PCMT1: variants seen among roughly 807,000 people sequenced by gnomAD.
PCMT1 encodes the protein protein-L-isoaspartate (D-aspartate) O-methyltransferase.
In PCMT1, 9 loss-of-function variants were observed where a neutral mutation model predicts 29.2. The ratio of observed to expected loss-of-function variants is 0.31; its 90% CI spans 0.19 to 0.54. The LOEUF (loss-of-function observed/expected upper bound fraction) is 0.54, where lower values mean the gene tolerates loss of function less well. Ranked by LOEUF, PCMT1 falls within the 20% of genes least tolerant of loss-of-function variation. The pLI is 0.95. For synonymous variants in PCMT1, 98 were observed against 97.5 expected (o/e 1.00, Z -0.03); for missense variants, 184 against 282.2 (o/e 0.65, Z 2.49).
At chr6:149,762,948 TATG>T (rs1326602858) in intron 1 of PCMT1, among the ~76,000 whole-genome samples, 2 of 49,238 alleles carry the variant, frequency 4.1e-5, no homozygotes, top group African/African-American at 1.8e-4. Flanking sequence ...TATATATATC[TATG>T]ATATGTATAT....
chr6:149,793,721 A>C (rs553408074), intron 5 of PCMT1, 52 bp downstream of exon 5: 1 of 1,463,660 alleles, frequency 6.8e-7, no homozygotes, highest in East Asian at 2.6e-5. Flanking sequence ...TATTTTCAGA[A>C]GATCCAATGC....
intron 1 of PCMT1, among the ~76,000 whole-genome samples, chr6:149,761,599 A>G (rs1318778203): frequency 2.6e-5 from 4 of 152,136 alleles, no homozygotes; most frequent in African/African-American, 9.7e-5. Flanking sequence ...CCCTTCCTTC[A>G]TATAGTTATA....
chr6:149,776,338 C>T (rs1323345565), intron 3 of PCMT1, among the ~76,000 whole-genome samples: 1 of 151,466 alleles, frequency 6.6e-6, no homozygotes, highest in East Asian at 1.9e-4. Flanking sequence ...ACCTCCGCCC[C>T]GTGGATTCAA....
In PCMT1 at chr6:149,794,100, C is replaced by T. The variant is rs77577428; in HGVS notation, c.418+431C>T. ...CTTAATTTTAATGTAGTCAGACTTA[C>T]CAATTTTTTTCAGTGCTTTCTGTGT... On this transcript the variant is annotated intron_variant, in intron 5 of 7. Transcript: ENST00000464889. 4.2e-3 allele frequency among the ~76,000 whole-genome samples: 644 copies of T among 152,182 alleles called. 6 individuals carry two copies. The highest frequency in any genetic ancestry group is 6.8e-3 in the Middle Eastern group (2 of 294).
intron 1 of PCMT1, among the ~76,000 whole-genome samples, chr6:149,763,619 G>A (rs1334296949): frequency 6.6e-6 from 1 of 151,990 alleles, no homozygotes; most frequent in Non-Finnish European, 1.5e-5. Context: ...GTATATTATC[G>A]AGCTTGAAGG....
chr6:149,810,582 CCTA>C, intron 7 of PCMT1, 31 bp from the exon 8 acceptor site: 1 of 1,530,100 alleles, frequency 6.5e-7, no homozygotes, highest in Non-Finnish European at 8.9e-7. Context: ...GTGTGTAACT[CCTA>C]CTAATGTATT....
In PCMT1 at chr6:149,771,973, G is replaced by C. The variant is rs1246212581; in HGVS notation, c.160+707G>C. 8.8e-6 allele frequency: 4 copies of C among 456,636 alleles called. No individual in the cohort carries two copies. In the Admixed American group the frequency reaches 9.4e-5, roughly 11 times the overall value. 28.3% of individuals were successfully genotyped at this position (456,636 alleles called of 1,614,324 possible). On this transcript the variant is annotated intron_variant, in intron 2 of 7. Transcript: ENST00000464889. ...TGCTTAAGTTATTAATGACTTCTCT[G>C]CTTTATTTGCCCTGCTTTTTTGGCT...
At position 149,763,019 on chromosome 6, in the gene PCMT1, A is replaced by ATATGATATATATATCTATGATATC. The variant is rs1562398995; in HGVS notation, c.56-8133_56-8132insATATCTATGATATCTATGATATAT. 9.3e-4 allele frequency among the ~76,000 whole-genome samples: 58 copies of ATATGATATATATATCTATGATATC among 62,656 alleles called. 10 individuals carry two copies. The highest frequency in any genetic ancestry group is 1.0e-3 in the Non-Finnish European group (46 of 44,494). The allele number at this position is 62,656 out of a possible 152,430, so 41.1% of individuals were successfully genotyped here. On this transcript the variant is annotated intron_variant, in intron 1 of 7. Coordinates refer to ENST00000464889, the MANE Select transcript of PCMT1 (RefSeq NM_001360452.2). ...TATATGATATATATATCTATGATAT[A>ATATGATATATATATCTATGATATC]TATGATATATCTATGATATCTATGA...
chr6:149,770,437 C>T lies in PCMT1; in HGVS notation c.56-725C>T, dbSNP rs545841896. Among the ~76,000 whole-genome samples, 16 of 152,146 alleles carry T rather than the reference C, an allele frequency of 1.1e-4. No individual in the cohort carries two copies. In the East Asian group the frequency reaches 1.7e-3, roughly 17 times the overall value. Reference sequence around the variant, plus strand: ...ACTAAAGACCAGGTTGGGCTGGGCACGGTGGCTCACACCTATAATCCAGCT... The same window carrying T: ...ACTAAAGACCAGGTTGGGCTGGGCATGGTGGCTCACACCTATAATCCAGCT... On this transcript the variant is annotated intron_variant, in intron 1 of 7. Coordinates refer to ENST00000464889, the MANE Select transcript of PCMT1 (RefSeq NM_001360452.2).
intron 1 of PCMT1, among the ~76,000 whole-genome samples, chr6:149,751,018 T>A (rs1562391811): frequency 6.6e-6 from 1 of 152,132 alleles, no homozygotes; most frequent in Non-Finnish European, 1.5e-5. Context: ...CTGGCACCAT[T>A]AAAAAAAATT....
At chr6:149,766,958 C>A (rs1448209624) in intron 1 of PCMT1, among the ~76,000 whole-genome samples, 1 of 152,138 alleles carries the variant, frequency 6.6e-6, no homozygotes, top group African/African-American at 2.4e-5. Flanking sequence ...CATCTGTAAT[C>A]CCAGCACTTT....
chr6:149,753,481 C>T (rs748753660), intron 1 of PCMT1, among the ~76,000 whole-genome samples: 3 of 151,722 alleles, frequency 2.0e-5, no homozygotes, highest in African/African-American at 7.3e-5. Context: ...TACAGGCAGG[C>T]GCCACCACAC....
At chr6:149,804,168 A>C (rs1201098615) in intron 7 of PCMT1, among the ~76,000 whole-genome samples, 1 of 151,994 alleles carries the variant, frequency 6.6e-6, no homozygotes, top group Admixed American at 6.6e-5. Flanking sequence ...ATTAACAACT[A>C]ACTAAAACCT....
At chr6:149,786,799 T>C (rs1377296407) in intron 3 of PCMT1, among the ~76,000 whole-genome samples, 2 of 144,054 alleles carry the variant, frequency 1.4e-5, no homozygotes, top group East Asian at 4.2e-4. Context: ...GATGGGATGG[T>C]GGCCGGAAAG....
At chr6:149,770,828 C>T (rs139955237) in intron 1 of PCMT1, among the ~76,000 whole-genome samples, 5 of 143,586 alleles carry the variant, frequency 3.5e-5, no homozygotes, top group Admixed American at 7.2e-5. Flanking sequence ...ATGGTGAAAC[C>T]CTGTTTCTAA....
At chr6:149,768,784 G>A (rs534854025) in intron 1 of PCMT1, among the ~76,000 whole-genome samples, 2 of 151,926 alleles carry the variant, frequency 1.3e-5, no homozygotes, top group African/African-American at 4.8e-5. Flanking sequence ...GTGCCACCAC[G>A]CCCAGCTAAT....
At chr6:149,771,736 C>G (rs1397848403) in intron 2 of PCMT1, among the ~76,000 whole-genome samples, 1 of 151,920 alleles carries the variant, frequency 6.6e-6, no homozygotes, top group African/African-American at 2.4e-5. Flanking sequence ...AAGCTGGTCT[C>G]GGAACTCCTG....
intron 6 of PCMT1, chr6:149,796,762 C>CACAGTTCCTCTCGTCCAAGCAGTCCT: frequency 3.0e-6 from 1 of 331,310 alleles, no homozygotes. Context: ...GAAAATCCCT[C>CACAGTTCCTCTCGTCCAAGCAGTCCT]TGGAGTTTAT....
chr6:149,752,876 T>A (rs1224222773), intron 1 of PCMT1, among the ~76,000 whole-genome samples: 1 of 152,222 alleles, frequency 6.6e-6, no homozygotes. Flanking sequence ...GGTTTCATAA[T>A]CACTTTAATG....
Sources: gnomAD v4.1 joint callset for allele counts (sites outside exome capture counted in the v4.1 genomes callset) on GRCh38, gnomAD v4.1.1 for gene constraint, MANE v1.5 for transcripts, NCBI Gene and HGNC (gene_info 2026-07-23, HGNC 2026-07-21) for gene names.